Variants in SLC9A2 observed in about 807,000 individuals in gnomAD.
SLC9A2 encodes solute carrier family 9 member A2, also known as sodium/hydrogen exchanger 2.
SLC9A2 carries 42 observed loss-of-function variants against 71.7 expected under a neutral mutation model. The observed-to-expected ratio is 0.59, with a 90% CI of 0.46 to 0.76. SLC9A2 has a LOEUF of 0.76. Ranked by LOEUF, SLC9A2 falls within the 30% of genes least tolerant of loss-of-function variation. SLC9A2 has a pLI of 0.00. For synonymous variants in SLC9A2, 396 were observed against 392.5 expected (o/e 1.01, Z -0.10); for missense variants, 829 against 1,017.4 (o/e 0.81, Z 2.52).
chr2:102,641,909 G>T (rs1432508993), intron 1 of SLC9A2, among the ~76,000 whole-genome samples: 1 of 137,630 alleles, frequency 7.3e-6, no homozygotes, highest in African/African-American at 2.8e-5. Flanking sequence ...GGGGTGGGGG[G>T]CTGGGGGAGG....
intron 9 of SLC9A2, among the ~76,000 whole-genome samples, 184 bp from the exon 10 acceptor site, chr2:102,704,360 C>T (rs1019224310): frequency 6.6e-6 from 1 of 152,030 alleles, no homozygotes; most frequent in Non-Finnish European, 1.5e-5. Flanking sequence ...AATATAAATT[C>T]TTTGAAGATC....
At chr2:102,660,135 C>A (rs945109398) in intron 2 of SLC9A2, among the ~76,000 whole-genome samples, 2 of 152,180 alleles carry the variant, frequency 1.3e-5, no homozygotes, top group Non-Finnish European at 2.9e-5. Context: ...GCCATCCAGA[C>A]ACACACCCTG....
Position 102,704,665 on chromosome 2 carries a change from G to T in SLC9A2, c.1967G>T (p.Arg656Leu), listed in dbSNP as rs115244050. Residue 656 changes from arginine (R) to leucine (L), a missense_variant, in exon 10 of 12, where the codon CGA (arginine) becomes CTA (leucine). By Grantham distance (102) the Arg-to-Leu change is moderately radical (BLOSUM62 -2). Transcript: ENST00000233969. ...ESIRKDSSLN[R>L]EHRASTSTSR... ...ATTAGGAAGGACAGCAGCTTGAATC[G>T]AGAACACAGGGTAACTGAGTGTGCG... The T allele has an allele frequency of 1.1e-5, 18 of 1,611,454 alleles. 1 individual carries two copies. In the African/African-American group the frequency reaches 1.3e-4, roughly 12 times the overall value.
At chr2:102,680,328 T>C (rs1455004939) in intron 3 of SLC9A2, among the ~76,000 whole-genome samples, 1 of 152,152 alleles carries the variant, frequency 6.6e-6, no homozygotes, top group Non-Finnish European at 1.5e-5. Context: ...TCTTACTTTT[T>C]AAAGTCTAGT....
At chr2:102,634,576 T>A (rs1267456588) in intron 1 of SLC9A2, among the ~76,000 whole-genome samples, 1 of 152,212 alleles carries the variant, frequency 6.6e-6, no homozygotes, top group East Asian at 1.9e-4. Flanking sequence ...ACCATGAAAA[T>A]CTGTTTTGTC....
chr2:102,638,159 C>T (rs941904582), intron 1 of SLC9A2, among the ~76,000 whole-genome samples: 1 of 150,734 alleles, frequency 6.6e-6, no homozygotes, highest in South Asian at 2.1e-4. Context: ...CATGGTGGCT[C>T]GTGGCCTGCA....
chr2:102,664,103 C>A (rs946642540), intron 2 of SLC9A2, among the ~76,000 whole-genome samples: 1 of 151,930 alleles, frequency 6.6e-6, no homozygotes, highest in African/African-American at 2.4e-5. Flanking sequence ...TCATGAGACC[C>A]CATCTCTACT....
chr2:102,654,870 CACA>C (rs1184930988), intron 1 of SLC9A2, among the ~76,000 whole-genome samples: 2 of 152,150 alleles, frequency 1.3e-5, no homozygotes, highest in Non-Finnish European at 2.9e-5. Flanking sequence ...GTATTTGTAA[CACA>C]ACAACGATTA....
Position 102,708,529 on chromosome 2 carries a change from C to T in SLC9A2, c.*40C>T. The T allele has an allele frequency of 1.9e-6, 3 of 1,581,378 alleles. No homozygotes were observed. The highest frequency in any genetic ancestry group is 2.6e-6 in the Non-Finnish European group (3 of 1,163,854). The stretch of plus-strand genomic sequence containing the variant: ...GCAGATCTGAGTGTCTGACCCAGGA[C>T]AGCTGTGGTTTGTCACTCTGAAACC... On this transcript the variant is annotated 3_prime_UTR_variant, in exon 12 of 12. Transcript: ENST00000233969.
rs543725280 is a variant in SLC9A2 at position 102,680,317 on chromosome 2, A to G, written c.1005-2944A>G. 2.0e-5 allele frequency among the ~76,000 whole-genome samples: 3 copies of G among 152,258 alleles called. No homozygotes were observed. The East Asian group carries it at 5.8e-4, about 29-fold the overall frequency. ...GCCCTTGATACTTTGTATTGGAGAA[A>G]TCTTACTTTTTAAAGTCTAGTTAAA... On this transcript the variant is annotated intron_variant, in intron 3 of 11. Coordinates refer to ENST00000233969, the MANE Select transcript of SLC9A2 (RefSeq NM_003048.6).
chr2:102,620,185 G>T (rs1486740482), intron 1 of SLC9A2, 48 bp downstream of exon 1: 3 of 1,528,314 alleles, frequency 2.0e-6, no homozygotes, highest in Admixed American at 3.6e-5. Flanking sequence ...ATCTCGGGGG[G>T]ACACCTGGAG....
chr2:102,650,122 T>C (rs932036859), intron 1 of SLC9A2, among the ~76,000 whole-genome samples: 1 of 152,192 alleles, frequency 6.6e-6, no homozygotes, highest in Non-Finnish European at 1.5e-5. Flanking sequence ...ATATACACCA[T>C]GGAATACTAT....
At chr2:102,651,814 G>T (rs1407268092) in intron 1 of SLC9A2, among the ~76,000 whole-genome samples, 1 of 152,184 alleles carries the variant, frequency 6.6e-6, no homozygotes, top group Non-Finnish European at 1.5e-5. Context: ...ATTGAATGAG[G>T]TTGATAATTT....
chr2:102,659,544 T>A (rs529264680), intron 2 of SLC9A2, among the ~76,000 whole-genome samples: 1 of 152,320 alleles, frequency 6.6e-6, no homozygotes, highest in African/African-American at 2.4e-5. Context: ...GAATAAAATG[T>A]CATCTCTAAG....
At chr2:102,705,733 A>G in intron 10 of SLC9A2, 113 bp from the exon 11 acceptor site, 1 of 581,434 alleles carries the variant, frequency 1.7e-6, no homozygotes, top group Non-Finnish European at 2.9e-6. Context: ...TTTTGGAATC[A>G]GAAATTAAAA....
At chr2:102,691,742 G>A (rs1319138122) in intron 5 of SLC9A2, among the ~76,000 whole-genome samples, 1 of 152,174 alleles carries the variant, frequency 6.6e-6, no homozygotes, top group Non-Finnish European at 1.5e-5. Flanking sequence ...TTGAGTTGAT[G>A]GGGTGGTAGG....
At chr2:102,656,423 C>T (rs1289458478) in intron 1 of SLC9A2, among the ~76,000 whole-genome samples, 1 of 152,216 alleles carries the variant, frequency 6.6e-6, no homozygotes, top group Non-Finnish European at 1.5e-5. Context: ...TCTTCCTAAG[C>T]AGACTTCCTC....
intron 1 of SLC9A2, among the ~76,000 whole-genome samples, chr2:102,628,274 T>C (rs867900421): frequency 6.6e-6 from 1 of 152,306 alleles, no homozygotes; most frequent in Middle Eastern, 3.4e-3. Context: ...ATGATGTCTT[T>C]ACTGCTGTTA....
At chr2:102,701,311 A>T (rs1021177731) in intron 8 of SLC9A2, 80 bp downstream of exon 8, 185 of 1,094,392 alleles carry the variant, frequency 1.7e-4, no homozygotes, top group Admixed American at 5.1e-4. Context: ...TAATAATTTT[A>T]AAAAAATTAT....
Sources: allele counts gnomAD v4.1 joint callset (sites outside exome capture counted in the v4.1 genomes callset), GRCh38; gene constraint gnomAD v4.1.1; transcripts MANE v1.5; gene names NCBI Gene and HGNC (gene_info 2026-07-23, HGNC 2026-07-21).